Variants in PTPRQ observed in about 807,000 individuals in gnomAD.
PTPRQ encodes protein tyrosine phosphatase receptor type Q.
PTPRQ carries 199 observed loss-of-function variants against 246.0 expected under a neutral mutation model. The observed-to-expected ratio is 0.81, with a 90% CI of 0.72 to 0.91. The LOEUF (loss-of-function observed/expected upper bound fraction) is 0.91. Among genes scored for constraint, PTPRQ ranks in the 40% least tolerant of loss-of-function variants. The pLI, the probability that PTPRQ is intolerant of heterozygous loss-of-function variation, is 0.00. For synonymous variants in PTPRQ, 869 were observed against 853.2 expected (o/e 1.02, Z -0.32); for missense variants, 2,624 against 2,528.4 (o/e 1.04, Z -0.81).
chr12:80,635,193 C>T (rs995964984), intron 35 of PTPRQ, 120 bp downstream of exon 35: 2 of 1,399,128 alleles, frequency 1.4e-6, no homozygotes, highest in African/African-American at 3.0e-5. Flanking sequence ...CAGAGATCTT[C>T]TTTCAAAGAG....
intron 8 of PTPRQ, among the ~76,000 whole-genome samples, chr12:80,472,761 G>A (rs1456287667): frequency 6.6e-6 from 1 of 152,034 alleles, no homozygotes; most frequent in Non-Finnish European, 1.5e-5. Context: ...TTTTCCTCAA[G>A]AAACTTCCTT....
At chr12:80,470,682 C>T (rs1041197389) in intron 7 of PTPRQ, among the ~76,000 whole-genome samples, 1 of 152,098 alleles carries the variant, frequency 6.6e-6, no homozygotes, top group Non-Finnish European at 1.5e-5. Flanking sequence ...ATAATTGAAA[C>T]TGACACTGAA....
At chr12:80,637,477 T>C (rs923993828) in intron 35 of PTPRQ, among the ~76,000 whole-genome samples, 7 of 152,200 alleles carry the variant, frequency 4.6e-5, no homozygotes, top group African/African-American at 1.7e-4. Context: ...AATAGCAAAA[T>C]TGGAAATATT....
intron 19 of PTPRQ, among the ~76,000 whole-genome samples, chr12:80,537,186 T>C (rs1192688516): frequency 1.3e-5 from 2 of 152,246 alleles, no homozygotes; most frequent in African/African-American, 2.4e-5. Context: ...GCTTGAAGTT[T>C]ATCCGTGCTT....
chr12:80,506,084 T>C lies in PTPRQ; in HGVS notation c.2333T>C (p.Leu778Pro). The C allele has an allele frequency of 1.3e-6, 2 of 1,546,832 alleles. No homozygotes were observed. The highest frequency in any genetic ancestry group is 1.7e-6 in the Non-Finnish European group (2 of 1,144,930). Residue 778 changes from leucine (L) to proline (P), a missense_variant, in exon 15 of 45, where the codon CTA (leucine) becomes CCA (proline). Leu to Pro is a moderately conservative substitution (Grantham distance 98). Coordinates refer to ENST00000644991, the MANE Select transcript of PTPRQ (RefSeq NM_001145026.2). The stretch of plus-strand genomic sequence containing the variant: ...AATATTTCTTCTGGAGAGATTGAGC[T>C]ATCATTCCTTCCCCCAAGTAGTCCC... ...YKNISSGEIE[L>P]SFLPPSSPNG...
chr12:80,655,127 CTAAA>C (rs1364572296), intron 38 of PTPRQ, among the ~76,000 whole-genome samples: 1 of 151,962 alleles, frequency 6.6e-6, no homozygotes, highest in Non-Finnish European at 1.5e-5. Context: ...GTTGATGGGA[CTAAA>C]TAAACAATCT....
chr12:80,622,262 C>G lies in PTPRQ; in HGVS notation c.5686+128C>G, dbSNP rs568752580. ...AACTCATTTAAATGTTAATTAGCCT[C>G]TCTAGTAATATTTGTGGGTTTTTAA... On this transcript the variant is annotated intron_variant, in intron 33 of 44. Coordinates refer to ENST00000644991, the MANE Select transcript of PTPRQ (RefSeq NM_001145026.2). The G allele has an allele frequency of 2.7e-5, 22 of 814,374 alleles. No individual in the cohort carries two copies. The Admixed American group carries it at 8.6e-4, about 32-fold the overall frequency. 50.4% of individuals were successfully genotyped at this position (814,374 alleles called of 1,614,324 possible). A position where few individuals can be genotyped will look rare whatever the true frequency, so the allele number is the denominator to read the frequency against.
rs143761890 is a variant in PTPRQ, at chr12:80,660,259, G to A, written c.6192+2198G>A. Among the ~76,000 whole-genome samples the A allele has an allele frequency of 1.1e-4, 16 of 152,084 alleles. No individual in the cohort carries two copies. The East Asian group carries it at 2.9e-3, about 28-fold the overall frequency. ...AGAAACATGAAAAACTGAAGTCTGG[G>A]GAAGAGACAGAGGAGGACCAGCATA... On this transcript the variant is annotated intron_variant, in intron 39 of 44. Coordinates refer to ENST00000644991, the MANE Select transcript of PTPRQ (RefSeq NM_001145026.2).
At chr12:80,454,575 C>A (rs1294291361) in intron 3 of PTPRQ, 2 of 702,300 alleles carry the variant, frequency 2.8e-6, no homozygotes, top group Admixed American at 4.0e-5. Flanking sequence ...TTAAACTTTT[C>A]TCCGTTTAGG....
At chr12:80,495,902 C>A (rs1894603464) in intron 12 of PTPRQ, 97 bp from the exon 13 acceptor site, 2 of 1,357,360 alleles carry the variant, frequency 1.5e-6, no homozygotes, top group South Asian at 2.9e-5. Flanking sequence ...TATCTAGTCC[C>A]CCGTATAAAT....
chr12:80,543,257 T>G (rs989517959), intron 23 of PTPRQ, among the ~76,000 whole-genome samples: 2 of 152,132 alleles, frequency 1.3e-5, no homozygotes, highest in African/African-American at 4.8e-5. Context: ...AGAAAGGTAT[T>G]CATCTTTATT....
At chr12:80,555,363 T>G (rs915940783) in intron 25 of PTPRQ, among the ~76,000 whole-genome samples, 2 of 152,176 alleles carry the variant, frequency 1.3e-5, no homozygotes, top group Admixed American at 6.5e-5. Flanking sequence ...CAATCTAGCT[T>G]ATTTGTTAAA....
chr12:80,671,020 T>C (rs954564647), intron 42 of PTPRQ, among the ~76,000 whole-genome samples: 3 of 152,052 alleles, frequency 2.0e-5, no homozygotes, highest in African/African-American at 4.8e-5. Flanking sequence ...ACAATAACTT[T>C]TAATATTTTT....
At chr12:80,524,567 C>G (rs4340114) in intron 17 of PTPRQ, among the ~76,000 whole-genome samples, 53,572 of 152,010 alleles carry the variant, frequency 0.35, 11,785 homozygotes, top group African/African-American at 0.62. Context: ...GGGGGATATA[C>G]TGAGGTGTGT....
chr12:80,540,433 C>T (rs978231877), intron 20 of PTPRQ, among the ~76,000 whole-genome samples: 5 of 152,072 alleles, frequency 3.3e-5, no homozygotes, highest in African/African-American at 9.6e-5. Context: ...CTATTTATCC[C>T]GAGTATTCAG....
At chr12:80,461,338 C>A (rs1359208876) in intron 6 of PTPRQ, among the ~76,000 whole-genome samples, 1 of 152,028 alleles carries the variant, frequency 6.6e-6, no homozygotes, top group Non-Finnish European at 1.5e-5. Context: ...AAATATATAC[C>A]TACTTATATC....
intron 39 of PTPRQ, among the ~76,000 whole-genome samples, chr12:80,661,608 T>C (rs961752218): frequency 6.6e-6 from 1 of 151,700 alleles, no homozygotes; most frequent in Non-Finnish European, 1.5e-5. Context: ...CAACACATTT[T>C]CTTTAGCATA....
chr12:80,551,159 A>G (rs1156395448), intron 25 of PTPRQ, among the ~76,000 whole-genome samples: 1 of 152,064 alleles, frequency 6.6e-6, no homozygotes, highest in East Asian at 1.9e-4. Flanking sequence ...CCAACTGAAG[A>G]CCTAGTTGGA....
Position 80,610,464 on chromosome 12 carries a change from C to A in PTPRQ, c.4757C>A (p.Ser1586Tyr). ...GTAGATAATGATGAATTTAATATAT[C>A]CTTCATCAAGTCAAATGAAGAAAAT... Reference protein sequence around the residue: ...KSVDNDEFNISFIKSNEENKT... With the variant: ...KSVDNDEFNIYFIKSNEENKT... The change falls in exon 28 of 45, where the codon TCC becomes TAC. Residue 1586 changes from serine to tyrosine, a missense_variant. Transcript: ENST00000644991. 6.7e-7 allele frequency: 1 copy of A among 1,489,136 alleles called. No homozygotes were observed. Among genetic ancestry groups the A allele is most frequent in the Non-Finnish European group, 9.1e-7 (1 of 1,103,480 alleles). 92.2% of individuals were successfully genotyped at this position (1,489,136 alleles called of 1,614,324 possible).
Sources: allele counts gnomAD v4.1 joint callset (sites outside exome capture counted in the v4.1 genomes callset), GRCh38; gene constraint gnomAD v4.1.1; transcripts MANE v1.5; gene names NCBI Gene and HGNC (gene_info 2026-07-23, HGNC 2026-07-21).